Variants in CEP112 observed in about 807,000 individuals in gnomAD.
CEP112 encodes the protein centrosomal protein of 112 kDa.
Under a neutral mutation model 153.0 loss-of-function variants are expected in CEP112, and 127 were observed. The observed-to-expected ratio is 0.83, with a 90% CI of 0.72 to 0.96. The LOEUF is 0.96. Among genes scored for constraint, CEP112 ranks in the 40% least tolerant of loss-of-function variants. The probability of loss-of-function intolerance (pLI) is 0.00; values close to 1 mark genes in which losing one functional copy is unlikely to be tolerated. For synonymous variants in CEP112, 358 were observed against 374.4 expected (o/e 0.96, Z 0.51); for missense variants, 1,089 against 1,101.2 (o/e 0.99, Z 0.16).
chr17:65,966,172 C>T (rs2062407680), intron 17 of CEP112, among the ~76,000 whole-genome samples: 1 of 151,978 alleles, frequency 6.6e-6, no homozygotes, highest in African/African-American at 2.4e-5. Context: ...TCATAAAGTG[C>T]AGTAAATTTT....
intron 21 of CEP112, among the ~76,000 whole-genome samples, chr17:65,771,569 G>A (rs947719262): frequency 6.6e-6 from 1 of 151,816 alleles, no homozygotes; most frequent in Non-Finnish European, 1.5e-5. Context: ...CCATATTCTG[G>A]GCCATAAAAT....
intron 16 of CEP112, among the ~76,000 whole-genome samples, chr17:66,011,035 A>G (rs1437002418): frequency 6.6e-6 from 1 of 152,132 alleles, no homozygotes; most frequent in Non-Finnish European, 1.5e-5. Flanking sequence ...TAGGAATAGT[A>G]GCAGCTCTTC....
intron 8 of CEP112, among the ~76,000 whole-genome samples, chr17:66,082,833 A>C (rs2067775137): frequency 6.6e-6 from 1 of 151,726 alleles, no homozygotes; most frequent in Admixed American, 6.6e-5. Context: ...CTTTAACTCC[A>C]ATAAAACTAG....
chr17:65,933,465 T>C (rs2061196132), intron 18 of CEP112, among the ~76,000 whole-genome samples: 1 of 151,622 alleles, frequency 6.6e-6, no homozygotes, highest in Admixed American at 6.6e-5. Flanking sequence ...TACAAGGGAG[T>C]TGTAACATGG....
intron 17 of CEP112, among the ~76,000 whole-genome samples, chr17:65,969,499 A>G (rs2062556118): frequency 6.6e-6 from 1 of 152,164 alleles, no homozygotes; most frequent in Admixed American, 6.5e-5. Context: ...ACACAGGTAT[A>G]CTGTATTTGC....
intron 12 of CEP112, among the ~76,000 whole-genome samples, chr17:66,049,072 G>T (rs1180645357): frequency 6.6e-6 from 1 of 152,112 alleles, no homozygotes; most frequent in African/African-American, 2.4e-5. Flanking sequence ...GGATTACAAG[G>T]CTTGCTGATC....
intron 24 of CEP112, among the ~76,000 whole-genome samples, chr17:65,677,107 T>TA (rs2047275580): frequency 6.6e-6 from 1 of 152,168 alleles, no homozygotes; most frequent in Admixed American, 6.5e-5. Flanking sequence ...TTATTAATAA[T>TA]AAAAAACTGG....
chr17:65,814,720 T>C (rs539156363), intron 21 of CEP112, among the ~76,000 whole-genome samples: 7 of 152,240 alleles, frequency 4.6e-5, no homozygotes, highest in African/African-American at 1.7e-4. Context: ...AAAGTAGTTG[T>C]GTGATTATGT....
chr17:65,930,288 A>G (rs2061074383), intron 18 of CEP112, among the ~76,000 whole-genome samples: 1 of 152,220 alleles, frequency 6.6e-6, no homozygotes, highest in South Asian at 2.1e-4. Flanking sequence ...AATATATTTG[A>G]AAAAAACATT....
chr17:65,957,578 A>G (rs2062044733), intron 18 of CEP112, among the ~76,000 whole-genome samples: 1 of 152,032 alleles, frequency 6.6e-6, no homozygotes, highest in Admixed American at 6.6e-5. Context: ...TTTTGTGTTA[A>G]CTTTATTTTA....
intron 20 of CEP112, among the ~76,000 whole-genome samples, chr17:65,899,606 T>C (rs2059776674): frequency 6.6e-6 from 1 of 152,144 alleles, no homozygotes; most frequent in Non-Finnish European, 1.5e-5. Flanking sequence ...AATGATTTTC[T>C]AATCAGCATA....
At chr17:65,897,245 G>T (rs1308611240) in intron 20 of CEP112, among the ~76,000 whole-genome samples, 19 of 152,034 alleles carry the variant, frequency 1.2e-4, no homozygotes, top group Admixed American at 1.2e-3. Context: ...AGTCCAGTTT[G>T]ATCCAAAGAA....
chr17:65,839,206 C>T (rs2057428703), intron 21 of CEP112, among the ~76,000 whole-genome samples: 2 of 151,916 alleles, frequency 1.3e-5, no homozygotes, highest in African/African-American at 2.4e-5. Context: ...TACACACACA[C>T]AAAGAAAACT....
intron 18 of CEP112, among the ~76,000 whole-genome samples, chr17:65,952,597 G>C (rs1385934716): frequency 6.6e-6 from 1 of 152,028 alleles, no homozygotes; most frequent in African/African-American, 2.4e-5. Flanking sequence ...TCTTTGTCTA[G>C]ACATGTCTTT....
chr17:65,962,541 A>G lies in CEP112; in HGVS notation c.1737-943T>C, dbSNP rs138400720. On this transcript the variant is annotated intron_variant, in intron 17 of 26. Coordinates refer to ENST00000535342, the MANE Select transcript of CEP112 (RefSeq NM_001199165.4). ...TTCAGTTTATAAATGCATGCCATTT[A>G]ACAATAGTTAACTTTGAATTCTAAC... Among the ~76,000 whole-genome samples the G allele has an allele frequency of 4.6e-5, 7 of 152,344 alleles. No homozygotes were observed. The East Asian group carries it at 1.4e-3, about 29-fold the overall frequency.
intron 21 of CEP112, among the ~76,000 whole-genome samples, chr17:65,784,966 C>T (rs1222607251): frequency 6.6e-6 from 1 of 152,252 alleles, no homozygotes; most frequent in Admixed American, 6.5e-5. Context: ...GAACCCATCC[C>T]TATTAACAGT....
intron 6 of CEP112, among the ~76,000 whole-genome samples, chr17:66,100,076 G>A (rs2068504357): frequency 6.6e-6 from 1 of 152,012 alleles, no homozygotes; most frequent in African/African-American, 2.4e-5. Context: ...AAAAAAACAT[G>A]GAAGAGTAAC....
chr17:65,821,540 A>ATATATATATT (rs1568067713), intron 21 of CEP112, among the ~76,000 whole-genome samples: 3 of 33,642 alleles, frequency 8.9e-5, no homozygotes, highest in African/African-American at 4.3e-4. Context: ...ATATATATAT[A>ATATATATATT]TTTTTTTTTT....
chr17:65,660,459 TCTCCTTCCTTCCTTCCTTCCTTC>T (rs1341086986), intron 24 of CEP112, among the ~76,000 whole-genome samples: 3 of 52,396 alleles, frequency 5.7e-5, no homozygotes, highest in African/African-American at 9.3e-5. Context: ...CTCTTCTCTC[TCTCCTTCCTTCCTTCCTTCCTTC>T]CTTCCTTCCT....
Sources: gnomAD v4.1 joint callset for allele counts (sites outside exome capture counted in the v4.1 genomes callset) on GRCh38, gnomAD v4.1.1 for gene constraint, MANE v1.5 for transcripts, NCBI Gene and HGNC (gene_info 2026-07-23, HGNC 2026-07-21) for gene names.